The following RNF175 variants were observed in gnomAD, a reference collection of about 807,000 sequenced individuals.
RNF175 encodes the protein ring finger protein 175.
In RNF175, 38 loss-of-function variants were observed where a neutral mutation model predicts 50.0. The observed-to-expected ratio is 0.76, with a 90% CI of 0.59 to 1.00. RNF175 has a LOEUF of 1.00. RNF175 is among the 50% of genes least tolerant of loss of function. The pLI is 0.00. For synonymous variants in RNF175, 155 were observed against 146.1 expected (o/e 1.06, Z -0.44); for missense variants, 388 against 409.6 (o/e 0.95, Z 0.46).
intron 1 of RNF175, among the ~76,000 whole-genome samples, chr4:153,754,710 G>C (rs1282718083): frequency 6.6e-6 from 1 of 152,156 alleles, no homozygotes; most frequent in African/African-American, 2.4e-5. Context: ...GAAAGGAGCG[G>C]AAGATTTGAC....
intron 3 of RNF175, among the ~76,000 whole-genome samples, chr4:153,732,225 C>G (rs1405068800): frequency 6.8e-6 from 1 of 146,310 alleles, no homozygotes; most frequent in Non-Finnish European, 1.5e-5. Flanking sequence ...GAGCAAGACT[C>G]TGTCTCAAAA....
intron 6 of RNF175, 27 bp downstream of exon 6, chr4:153,720,157 G>T (rs1329432439): frequency 6.2e-7 from 1 of 1,610,652 alleles, no homozygotes; most frequent in South Asian, 1.1e-5. Flanking sequence ...GTCATACATG[G>T]TTTCAGAAAA....
intron 3 of RNF175, among the ~76,000 whole-genome samples, chr4:153,734,348 T>C (rs1442292421): frequency 6.6e-6 from 1 of 152,194 alleles, no homozygotes; most frequent in Non-Finnish European, 1.5e-5. Flanking sequence ...TTGTCATCAG[T>C]ATTTGGTATT....
intron 7 of RNF175, chr4:153,713,137 C>A (rs1579025088): frequency 6.6e-6 from 1 of 151,988 alleles, no homozygotes; most frequent in Admixed American, 6.6e-5. Context: ...GAATATATAC[C>A]TACTAAACTT....
At chr4:153,724,160 C>T (rs370263374) in intron 4 of RNF175, among the ~76,000 whole-genome samples, 88 of 152,238 alleles carry the variant, frequency 5.8e-4, no homozygotes, top group African/African-American at 1.9e-3. Flanking sequence ...GGATGGAGGG[C>T]GAGTGGAGAG....
chr4:153,736,363 C>T (rs1739352285), intron 3 of RNF175, among the ~76,000 whole-genome samples: 1 of 152,160 alleles, frequency 6.6e-6, no homozygotes, highest in Non-Finnish European at 1.5e-5. Flanking sequence ...ATTTGCTCTG[C>T]TAATATTTTG....
intron 3 of RNF175, among the ~76,000 whole-genome samples, chr4:153,737,352 G>A (rs1739405658): frequency 6.6e-6 from 1 of 151,602 alleles, no homozygotes; most frequent in Non-Finnish European, 1.5e-5. Flanking sequence ...TCTGTTTGTT[G>A]TAGGCATAAA....
chr4:153,738,351 T>G (rs1401084879), intron 3 of RNF175, among the ~76,000 whole-genome samples: 1 of 67,358 alleles, frequency 1.5e-5, no homozygotes, highest in Non-Finnish European at 5.2e-5. Context: ...ATCTGGCTAA[T>G]TTTTTTTTTT....
intron 2 of RNF175, 85 bp from the exon 3 acceptor site, chr4:153,748,871 A>C (rs769512022): frequency 6.3e-6 from 8 of 1,275,964 alleles, no homozygotes; most frequent in Non-Finnish European, 7.5e-6. Context: ...AAACAAAAAA[A>C]CAAAAAACAG....
At chr4:153,756,419 C>T (rs896290510) in intron 1 of RNF175, among the ~76,000 whole-genome samples, 1 of 152,084 alleles carries the variant, frequency 6.6e-6, no homozygotes, top group Admixed American at 6.5e-5. Flanking sequence ...GTCCTCCATC[C>T]CCCATCTCAG....
intron 1 of RNF175, among the ~76,000 whole-genome samples, chr4:153,752,156 C>G (rs970228583): frequency 1.3e-5 from 2 of 152,208 alleles, no homozygotes; most frequent in Non-Finnish European, 2.9e-5. Flanking sequence ...TACATTTGGT[C>G]ATTTGAAACC....
chr4:153,752,971 G>A (rs1328207605), intron 1 of RNF175, among the ~76,000 whole-genome samples: 1 of 151,928 alleles, frequency 6.6e-6, no homozygotes, highest in African/African-American at 2.4e-5. Flanking sequence ...ATTGAAACAC[G>A]GTAAATAAAA....
chr4:153,758,713 T>C (rs4696491), intron 1 of RNF175, among the ~76,000 whole-genome samples: 120,993 of 151,818 alleles, frequency 0.8, 48,397 homozygotes, highest in Middle Eastern at 0.85. Flanking sequence ...CCTAGGTTTC[T>C]GGCAGTCAGA....
At chr4:153,747,172 G>A (rs1411718748) in intron 3 of RNF175, among the ~76,000 whole-genome samples, 1 of 152,146 alleles carries the variant, frequency 6.6e-6, no homozygotes, top group Non-Finnish European at 1.5e-5. Context: ...ACTTGCACCT[G>A]GCTTCCTTCT....
Position 153,732,493 on chromosome 4 carries a change from C to G in RNF175, c.247-4132G>C, listed in dbSNP as rs150932962. ...GAGCAGACACAATGCTTTATTGGCCCAGTAATATTTTCTAGTATTTCACAG... is the reference window on the plus strand; with the variant it reads ...GAGCAGACACAATGCTTTATTGGCCGAGTAATATTTTCTAGTATTTCACAG... On this transcript the variant is annotated intron_variant, in intron 3 of 8. Coordinates refer to ENST00000347063, the MANE Select transcript of RNF175 (RefSeq NM_173662.4). Among the ~76,000 whole-genome samples the G allele has an allele frequency of 5.5e-4, 83 of 152,190 alleles. No individual in the cohort carries two copies. The East Asian group carries it at 0.016, about 29-fold the overall frequency.
chr4:153,740,867 A>C (rs973008630), intron 3 of RNF175, among the ~76,000 whole-genome samples: 2 of 152,178 alleles, frequency 1.3e-5, no homozygotes, highest in African/African-American at 2.4e-5. Flanking sequence ...GTTTTGTATT[A>C]ATTTGGCTAG....
chr4:153,719,259 T>C (rs891458390), intron 6 of RNF175, among the ~76,000 whole-genome samples: 26 of 152,212 alleles, frequency 1.7e-4, no homozygotes, highest in African/African-American at 6.0e-4. Context: ...TCCAGCTCCA[T>C]CCAAGTCCCT....
intron 6 of RNF175, among the ~76,000 whole-genome samples, chr4:153,719,883 T>C (rs755955742): frequency 6.6e-6 from 1 of 152,230 alleles, no homozygotes; most frequent in South Asian, 2.1e-4. Flanking sequence ...ATGTTGGCAA[T>C]TGGAGTATGC....
At chr4:153,748,427 C>G (rs938137652) in intron 3 of RNF175, 1 of 439,006 alleles carries the variant, frequency 2.3e-6, no homozygotes, top group Non-Finnish European at 4.0e-6. Flanking sequence ...TTGCAACTCC[C>G]CTCCCCCTTT....
Sources: allele counts gnomAD v4.1 joint callset (sites outside exome capture counted in the v4.1 genomes callset), GRCh38; gene constraint gnomAD v4.1.1; transcripts MANE v1.5; gene names NCBI Gene and HGNC (gene_info 2026-07-23, HGNC 2026-07-21).